The following FAM162A variants were observed in gnomAD, a reference collection of about 807,000 sequenced individuals.
FAM162A encodes family with sequence similarity 162 member A.
FAM162A carries 23 observed loss-of-function variants against 21.8 expected under a neutral mutation model. That is an observed-to-expected ratio of 1.05 (90% CI 0.76 to 1.49). FAM162A has a LOEUF of 1.49. Among genes scored for constraint, FAM162A ranks in the 40% most tolerant of loss-of-function variants. The pLI, the probability that FAM162A is intolerant of heterozygous loss-of-function variation, is 0.00. For synonymous variants in FAM162A, 53 were observed against 61.3 expected, an observed-to-expected ratio of 0.86 and a Z score of 0.64; for missense variants, 165 against 186.4, an observed-to-expected ratio of 0.89 and a Z score of 0.67.
rs774837316 is a variant in FAM162A, at chr3:122,407,453, G to T, written c.372+64G>T. 5.5e-6 allele frequency: 7 copies of T among 1,281,808 alleles called. 1 individual carries two copies. The South Asian group carries it at 8.4e-5, about 15-fold the overall frequency. 79.4% of individuals were successfully genotyped at this position (1,281,808 alleles called of 1,614,324 possible). A position where few individuals can be genotyped will look rare whatever the true frequency, so the allele number is the denominator to read the frequency against. ...TCCACCAAGAACCTAGAGTAAATCAGGGATTGACCCTTGTATTTACCCTCT... is the reference window on the plus strand; with the variant it reads ...TCCACCAAGAACCTAGAGTAAATCATGGATTGACCCTTGTATTTACCCTCT... On this transcript the variant is annotated intron_variant, in intron 4 of 4. Transcript: ENST00000477892.
At chr3:122,402,993 T>C (rs2075659912) in intron 2 of FAM162A, 111 bp downstream of exon 2, 1 of 1,192,596 alleles carries the variant, frequency 8.4e-7, no homozygotes, top group Non-Finnish European at 1.2e-6. Context: ...CCCTCCCATG[T>C]AGAGAGAACA....
At chr3:122,385,776 A>G (rs1467101729) in intron 1 of FAM162A, among the ~76,000 whole-genome samples, 1 of 152,236 alleles carries the variant, frequency 6.6e-6, no homozygotes, top group Non-Finnish European at 1.5e-5. Context: ...AGGATGTTAT[A>G]TGAGCAGCTC....
intron 2 of FAM162A, 128 bp downstream of exon 2, chr3:122,403,010 G>T: frequency 9.2e-7 from 1 of 1,087,028 alleles, no homozygotes. Flanking sequence ...AACACATTGT[G>T]TTCACATTGT....
chr3:122,399,118 G>T (rs2075642182), intron 1 of FAM162A, among the ~76,000 whole-genome samples: 1 of 151,914 alleles, frequency 6.6e-6, no homozygotes, highest in Non-Finnish European at 1.5e-5. Flanking sequence ...AATGTTTGTT[G>T]TTCCCTTCTG....
intron 4 of FAM162A, chr3:122,407,619 T>G (rs2075683028): frequency 2.0e-6 from 1 of 506,290 alleles, no homozygotes; most frequent in Non-Finnish European, 3.5e-6. Context: ...ACTAGATTCA[T>G]TTTGTGTAAT....
At chr3:122,407,556 A>G in intron 4 of FAM162A, 167 bp downstream of exon 4, 2 of 536,972 alleles carry the variant, frequency 3.7e-6, no homozygotes, top group Non-Finnish European at 6.7e-6. Flanking sequence ...CAAGCCTGGA[A>G]TATCATCCTT....
chr3:122,394,361 C>T (rs2075617889), intron 1 of FAM162A, among the ~76,000 whole-genome samples: 1 of 152,194 alleles, frequency 6.6e-6, no homozygotes, highest in Non-Finnish European at 1.5e-5. Context: ...GGGTAGAAGA[C>T]ATGCCCCAAC....
rs1168239605 is a variant in FAM162A at position 122,402,760 on chromosome 3, G to A, written c.35G>A (p.Gly12Glu). ...GSLSGLRLAA[G>E]SCFRLCERDV... ...TGAAACATTTTCCTCTCTTTTTTAG[G>A]AAGCTGTTTTAGGTTATGTGAAAGA... is the stretch of plus-strand genomic sequence containing the variant. Residue 12 changes from glycine (G) to glutamate (E), a missense_variant and splice_region_variant, in exon 2 of 5, where the codon GGA (glycine) becomes GAA (glutamate). Coordinates refer to ENST00000477892, the MANE Select transcript of FAM162A (RefSeq NM_014367.4). 1.4e-6 allele frequency: 2 copies of A among 1,468,900 alleles called. No individual in the cohort carries two copies. Among genetic ancestry groups the A allele is most frequent in the Middle Eastern group, 1.8e-4 (1 of 5,534 alleles). 91.0% of individuals were successfully genotyped at this position (1,468,900 alleles called of 1,614,324 possible). A position where few individuals can be genotyped will look rare whatever the true frequency, so the allele number is the denominator to read the frequency against.
chr3:122,393,301 C>T (rs1463913222), intron 1 of FAM162A, among the ~76,000 whole-genome samples: 1 of 152,018 alleles, frequency 6.6e-6, no homozygotes, highest in Admixed American at 6.5e-5. Flanking sequence ...AGCAACTTTT[C>T]CAGAACTCTG....
At chr3:122,389,614 A>G (rs1421083094) in intron 1 of FAM162A, among the ~76,000 whole-genome samples, 1 of 152,228 alleles carries the variant, frequency 6.6e-6, no homozygotes, top group African/African-American at 2.4e-5. Flanking sequence ...GAATTACTAC[A>G]TTCAGATTAT....
At chr3:122,386,685 C>T (rs1384402490) in intron 1 of FAM162A, among the ~76,000 whole-genome samples, 2 of 151,974 alleles carry the variant, frequency 1.3e-5, no homozygotes, top group African/African-American at 2.4e-5. Context: ...AATGATGGAC[C>T]TTTACTTTTG....
chr3:122,398,628 A>T (rs1296091153), intron 1 of FAM162A, among the ~76,000 whole-genome samples: 5 of 152,188 alleles, frequency 3.3e-5, no homozygotes, highest in Admixed American at 3.3e-4. Context: ...AAATTATTTT[A>T]AAAAGTAAGA....
intron 1 of FAM162A, among the ~76,000 whole-genome samples, chr3:122,386,367 A>G (rs2075574513): frequency 6.6e-6 from 1 of 152,086 alleles, no homozygotes; most frequent in Non-Finnish European, 1.5e-5. Context: ...TGGCTAACTT[A>G]GCAAGACCCT....
intron 4 of FAM162A, among the ~76,000 whole-genome samples, chr3:122,408,557 T>C (rs574543497): frequency 6.6e-6 from 1 of 152,330 alleles, no homozygotes; most frequent in African/African-American, 2.4e-5. Context: ...GCTGACCTCA[T>C]GGGAGTACGA....
At chr3:122,385,615 T>A (rs1334763687) in intron 1 of FAM162A, among the ~76,000 whole-genome samples, 1 of 152,238 alleles carries the variant, frequency 6.6e-6, no homozygotes, top group African/African-American at 2.4e-5. Context: ...GAGAATATAT[T>A]TATGCATCTT....
intron 1 of FAM162A, chr3:122,401,562 T>C: frequency 7.9e-7 from 1 of 1,267,154 alleles, no homozygotes; most frequent in Non-Finnish European, 1.0e-6. Flanking sequence ...CTAATTTTTA[T>C]TTTTTAAAAG....
intron 1 of FAM162A, among the ~76,000 whole-genome samples, chr3:122,399,082 C>T (rs1013469177): frequency 6.6e-6 from 1 of 152,110 alleles, no homozygotes; most frequent in Admixed American, 6.6e-5. Context: ...CTCCTCCCTA[C>T]CACCCACAAC....
chr3:122,397,618 C>G (rs1007558676), intron 1 of FAM162A, among the ~76,000 whole-genome samples: 3 of 152,138 alleles, frequency 2.0e-5, no homozygotes, highest in Admixed American at 1.3e-4. Context: ...CTGTACCAGA[C>G]CTGGCCTCAT....
At chr3:122,392,358 A>G (rs1373857196) in intron 1 of FAM162A, among the ~76,000 whole-genome samples, 2 of 152,266 alleles carry the variant, frequency 1.3e-5, no homozygotes, top group East Asian at 1.9e-4. Context: ...TGTAGGTCAC[A>G]TTAAACCAGT....
Sources: allele counts gnomAD v4.1 joint callset (sites outside exome capture counted in the v4.1 genomes callset), GRCh38; gene constraint gnomAD v4.1.1; transcripts MANE v1.5; gene names NCBI Gene and HGNC (gene_info 2026-07-23, HGNC 2026-07-21).